RERE: variants seen among roughly 807,000 people sequenced by gnomAD.
The protein encoded by RERE is arginine-glutamic acid dipeptide repeats, also known as arginine-glutamic acid dipeptide repeats protein.
RERE carries 40 observed loss-of-function variants against 146.1 expected under a neutral mutation model. The observed-to-expected ratio is 0.27, with a 90% CI of 0.21 to 0.36. RERE has a LOEUF of 0.36. RERE is among the 10% of genes least tolerant of loss of function. RERE has a pLI of 1.00. For missense variants in RERE, 1,933 were observed against 2,138.7 expected (o/e 0.90, Z 1.90); for synonymous variants, 1,003 against 866.0 (o/e 1.16, Z -2.78).
intron 11 of RERE, among the ~76,000 whole-genome samples, chr1:8,436,469 G>A (rs1644171202): frequency 6.6e-6 from 1 of 152,126 alleles, no homozygotes; most frequent in South Asian, 2.1e-4. Flanking sequence ...TCATTAAAAT[G>A]TTCACCTTTC....
At chr1:8,578,110 C>T (rs1014031641) in intron 4 of RERE, among the ~76,000 whole-genome samples, 4 of 151,442 alleles carry the variant, frequency 2.6e-5, no homozygotes, top group African/African-American at 9.7e-5. Context: ...AAAAAAAGGG[C>T]GGGGGGGAGA....
chr1:8,404,285 C>A (rs900100520), intron 12 of RERE, among the ~76,000 whole-genome samples: 2 of 152,044 alleles, frequency 1.3e-5, no homozygotes, highest in African/African-American at 2.4e-5. Flanking sequence ...GGCGTGGTGG[C>A]GGGCGCCTGT....
At chr1:8,679,422 T>A (rs1638915575) in intron 1 of RERE, among the ~76,000 whole-genome samples, 1 of 152,228 alleles carries the variant, frequency 6.6e-6, no homozygotes, top group Non-Finnish European at 1.5e-5. Flanking sequence ...CATAGTCACA[T>A]CTGCCAAGTT....
intron 4 of RERE, among the ~76,000 whole-genome samples, chr1:8,564,917 C>T (rs1158276437): frequency 6.7e-6 from 1 of 149,188 alleles, no homozygotes; most frequent in East Asian, 2.0e-4. Context: ...AAGAAGACTC[C>T]TGTCATCTGC....
chr1:8,473,941 G>A (rs147670535), intron 10 of RERE, among the ~76,000 whole-genome samples: 672 of 152,192 alleles, frequency 4.4e-3, no homozygotes, highest in Non-Finnish European at 6.7e-3. Context: ...CAACAATGCC[G>A]GTAGTCACTA....
intron 1 of RERE, among the ~76,000 whole-genome samples, chr1:8,657,320 AAAG>A (rs1392993638): frequency 0.011 from 1,567 of 145,548 alleles, 63 homozygotes; most frequent in African/African-American, 0.037. Context: ...AAAAAAAAAA[AAAG>A]AAGAAGAAAA....
At chr1:8,671,459 T>C (rs1002144040) in intron 1 of RERE, among the ~76,000 whole-genome samples, 1 of 152,204 alleles carries the variant, frequency 6.6e-6, no homozygotes, top group African/African-American at 2.4e-5. Context: ...CCTGGCTGAT[T>C]TCCACGCTAG....
intron 1 of RERE, among the ~76,000 whole-genome samples, chr1:8,704,337 TA>T (rs1159291550): frequency 3.3e-5 from 5 of 152,218 alleles, no homozygotes; most frequent in Admixed American, 3.3e-4. Context: ...TGTATTCCTA[TA>T]AAATACAAAT....
intron 1 of RERE, among the ~76,000 whole-genome samples, chr1:8,673,595 T>C (rs1196202795): frequency 6.6e-6 from 1 of 152,190 alleles, no homozygotes; most frequent in Non-Finnish European, 1.5e-5. Flanking sequence ...GATTCCCCTC[T>C]AAAGCAAGCA....
chr1:8,393,276 C>T (rs775482105), intron 12 of RERE, among the ~76,000 whole-genome samples: 11 of 152,314 alleles, frequency 7.2e-5, no homozygotes, highest in Non-Finnish European at 1.2e-4. Context: ...CCAAATACAA[C>T]AGTTCTTATT....
intron 10 of RERE, among the ~76,000 whole-genome samples, chr1:8,469,563 C>T (rs1051887731): frequency 2.6e-5 from 4 of 152,126 alleles, no homozygotes; most frequent in African/African-American, 9.7e-5. Context: ...GCAGAGGTTG[C>T]AGTGAGCTGA....
In RERE at chr1:8,356,543, A is replaced by C. The variant is rs753161296; in HGVS notation, c.4340-297T>G. On this transcript the variant is annotated intron_variant, in intron 20 of 22. Transcript: ENST00000400908. This position sits in a 1 kb window ranked among gnomAD's most constrained non-coding sequence, Gnocchi z 5.2. ...CCAGTTTTGTCGAGGACCCGGGATC[A>C]GCAGGGTCCCTCTCGCCGGCCACCT... Among the ~76,000 whole-genome samples the C allele has an allele frequency of 1.2e-4, 19 of 152,206 alleles. No homozygotes were observed. The highest frequency in any genetic ancestry group is 1.9e-4 in the Non-Finnish European group (13 of 68,024).
intron 1 of RERE, among the ~76,000 whole-genome samples, chr1:8,756,450 G>C (rs561788443): frequency 5.9e-4 from 90 of 152,228 alleles, no homozygotes; most frequent in African/African-American, 1.7e-3. Context: ...GGACCTAAAA[G>C]CCTCGACTCT....
chr1:8,530,679 C>CTTTTTTTTTTT (rs1197212764), intron 7 of RERE, among the ~76,000 whole-genome samples: 2 of 96,950 alleles, frequency 2.1e-5, no homozygotes, highest in African/African-American at 4.0e-5. Flanking sequence ...TTTTCGTTTT[C>CTTTTTTTTTTT]TTTTTTTTTT....
rs56751470 is a variant in RERE, at chr1:8,638,042, A to G, written c.326-13662T>C. ...ATAGCCATTAGCGTGTGAGCATGTCATATTTTTTTGTGCCATGGATGACTT... is the reference window on the plus strand; with the variant it reads ...ATAGCCATTAGCGTGTGAGCATGTCGTATTTTTTTGTGCCATGGATGACTT... On this transcript the variant is annotated intron_variant, in intron 2 of 22. Coordinates refer to ENST00000400908, the MANE Select transcript of RERE (RefSeq NM_001042681.2). 8.6e-3 allele frequency among the ~76,000 whole-genome samples: 1,303 copies of G among 152,358 alleles called. 20 individuals are homozygous for G. Among genetic ancestry groups the G allele is most frequent in the African/African-American group, 0.03 (1,228 of 41,582 alleles).
intron 1 of RERE, among the ~76,000 whole-genome samples, chr1:8,708,018 T>C (rs1169495280): frequency 2.0e-5 from 3 of 152,196 alleles, no homozygotes; most frequent in Admixed American, 6.5e-5. Flanking sequence ...TAGGTAGGTA[T>C]GTGTAGGAAA....
chr1:8,731,781 TTTGTTTG>T (rs1183563016), intron 1 of RERE, among the ~76,000 whole-genome samples: 2,866 of 150,214 alleles, frequency 0.019, 39 homozygotes, highest in African/African-American at 0.03. Flanking sequence ...ATAATGTTTT[TTTGTTTG>T]TTTGTTTGTT....
chr1:8,493,886 G>A (rs2124227849), intron 10 of RERE, among the ~76,000 whole-genome samples: 1 of 152,228 alleles, frequency 6.6e-6, no homozygotes, highest in Middle Eastern at 3.4e-3. Context: ...CAGATTTAAT[G>A]GTTTCACATT....
chr1:8,481,220 G>A (rs1404126574), intron 10 of RERE, among the ~76,000 whole-genome samples: 2 of 152,088 alleles, frequency 1.3e-5, no homozygotes, highest in Non-Finnish European at 2.9e-5. Flanking sequence ...GGGTTCAAGC[G>A]ATTCTCCTGC....
Sources: allele counts gnomAD v4.1 joint callset (sites outside exome capture counted in the v4.1 genomes callset), GRCh38; gene constraint gnomAD v4.1.1; non-coding constraint Gnocchi (gnomAD v3.1); transcripts MANE v1.5; gene names NCBI Gene and HGNC (gene_info 2026-07-23, HGNC 2026-07-21).